SLX4IP: variants seen among roughly 807,000 people sequenced by gnomAD.
The protein encoded by SLX4IP is protein SLX4IP.
Under a neutral mutation model 32.9 loss-of-function variants are expected in SLX4IP, and 34 were observed. The ratio of observed to expected loss-of-function variants is 1.03; its 90% CI spans 0.79 to 1.38. SLX4IP has a LOEUF of 1.38. Ranked by LOEUF, SLX4IP falls within the 40% of genes most tolerant of loss-of-function variation. The pLI is 0.00. For synonymous variants in SLX4IP, 172 were observed against 171.7 expected (o/e 1.00, Z -0.01); for missense variants, 444 against 479.0 (o/e 0.93, Z 0.68).
chr20:10,455,627 T>TTTATTTA (rs1568688802), intron 1 of SLX4IP, among the ~76,000 whole-genome samples: 1 of 84,298 alleles, frequency 1.2e-5, no homozygotes, highest in African/African-American at 6.0e-5. Flanking sequence ...TTATTTATTT[T>TTTATTTA]GAGACAGAGT....
At chr20:10,492,247 A>G (rs1600926423) in intron 2 of SLX4IP, among the ~76,000 whole-genome samples, 2 of 152,116 alleles carry the variant, frequency 1.3e-5, no homozygotes, top group Non-Finnish European at 1.5e-5. Context: ...TGTGTCCTGG[A>G]GTGGGATTGC....
chr20:10,510,758 C>G (rs1034907214), intron 2 of SLX4IP, among the ~76,000 whole-genome samples: 1 of 152,050 alleles, frequency 6.6e-6, no homozygotes, highest in Non-Finnish European at 1.5e-5. Context: ...GCGCCCACCA[C>G]CATGCATGTC....
Position 10,578,551 on chromosome 20 carries a change from A to G in SLX4IP, c.238+17731A>G, listed in dbSNP as rs570048286. On this transcript the variant is annotated intron_variant, in intron 4 of 7. Transcript: ENST00000334534. ...AATGCTACTATGGGTATTCGTGTAC[A>G]AGTTTTTGAGTGGACATATGTTTTC... Among the ~76,000 whole-genome samples, 262 of 152,326 alleles carry G rather than the reference A, an allele frequency of 1.7e-3. 3 individuals are homozygous for G. Among genetic ancestry groups the G allele is most frequent in the Non-Finnish European group, 3.0e-3 (207 of 68,022 alleles).
At chr20:10,437,637 C>T (rs1434500922) in intron 1 of SLX4IP, among the ~76,000 whole-genome samples, 1 of 152,224 alleles carries the variant, frequency 6.6e-6, no homozygotes, top group Non-Finnish European at 1.5e-5. Flanking sequence ...TCCAGCCTTT[C>T]TGCTTCTCCT....
At chr20:10,447,271 C>T (rs2065209765) in intron 1 of SLX4IP, among the ~76,000 whole-genome samples, 1 of 145,638 alleles carries the variant, frequency 6.9e-6, no homozygotes, top group Admixed American at 7.0e-5. Flanking sequence ...TGTTTGTCTG[C>T]CCGTTTGCCA....
At chr20:10,490,183 G>A (rs1422923912) in intron 2 of SLX4IP, among the ~76,000 whole-genome samples, 1 of 102,160 alleles carries the variant, frequency 9.8e-6, no homozygotes, top group Non-Finnish European at 2.1e-5. Flanking sequence ...ATTTAAAGTA[G>A]TGGAAATTTC....
chr20:10,620,495 A>AATATTG (rs2067095786), intron 6 of SLX4IP, among the ~76,000 whole-genome samples: 3 of 152,176 alleles, frequency 2.0e-5, no homozygotes, highest in Non-Finnish European at 4.4e-5. Flanking sequence ...CACAAACTAC[A>AATATTG]GTTTTCAAAA....
chr20:10,449,964 C>A lies in SLX4IP; in HGVS notation c.-29-8212C>A, dbSNP rs550684857. Reference sequence around the variant, plus strand: ...TTATTGATAAAAGTAAAAAAAAAAACCCACAAAAACAAAACCTTATTGTGA... The same window carrying A: ...TTATTGATAAAAGTAAAAAAAAAAAACCACAAAAACAAAACCTTATTGTGA... On this transcript the variant is annotated intron_variant, in intron 1 of 7. Coordinates refer to ENST00000334534, the MANE Select transcript of SLX4IP (RefSeq NM_001009608.3). 1.0e-4 allele frequency among the ~76,000 whole-genome samples: 15 copies of A among 149,978 alleles called. No individual in the cohort carries two copies. In the South Asian group the frequency reaches 2.1e-3, roughly 21 times the overall value.
At chr20:10,519,243 A>G (rs2122446205) in intron 2 of SLX4IP, among the ~76,000 whole-genome samples, 1 of 152,282 alleles carries the variant, frequency 6.6e-6, no homozygotes, top group South Asian at 2.1e-4. Context: ...CCTCCATGTT[A>G]AGTATATAAT....
intron 6 of SLX4IP, chr20:10,613,739 C>G (rs2066994503): frequency 5.0e-6 from 8 of 1,613,446 alleles, no homozygotes; most frequent in Non-Finnish European, 6.8e-6. Flanking sequence ...GAATGATATT[C>G]CTTATCCTGG....
At chr20:10,474,934 G>A (rs1334451109) in intron 2 of SLX4IP, among the ~76,000 whole-genome samples, 1 of 152,220 alleles carries the variant, frequency 6.6e-6, no homozygotes, top group Non-Finnish European at 1.5e-5. Flanking sequence ...TGGGTGGTGA[G>A]AGAGTCTCAT....
At chr20:10,436,914 T>C (rs191418867) in intron 1 of SLX4IP, among the ~76,000 whole-genome samples, 1 of 152,080 alleles carries the variant, frequency 6.6e-6, no homozygotes, top group Non-Finnish European at 1.5e-5. Flanking sequence ...AATTTACCAC[T>C]GGTTTGCGTT....
rs548017151 is a variant in SLX4IP, at chr20:10,559,368, G to C, written c.118-1332G>C. ...TACAAGTGTTTTTAATAAAGGAAAA[G>C]TTTTGCTATCATTGCTCTTTAGAAC... is the stretch of plus-strand genomic sequence containing the variant. On this transcript the variant is annotated intron_variant, in intron 3 of 7. Coordinates refer to ENST00000334534, the MANE Select transcript of SLX4IP (RefSeq NM_001009608.3). Among the ~76,000 whole-genome samples the C allele has an allele frequency of 6.6e-5, 10 of 152,278 alleles. No individual in the cohort carries two copies. In the East Asian group the frequency reaches 1.3e-3, roughly 21 times the overall value.
In SLX4IP at chr20:10,613,714, C is replaced by T. The variant is rs2066994238; in HGVS notation, c.406-7600C>T. On this transcript the variant is annotated intron_variant, in intron 6 of 7. Coordinates refer to ENST00000334534, the MANE Select transcript of SLX4IP (RefSeq NM_001009608.3). ...GCGTTATAGGATGGGACCTCTCCGG[C>T]GTCAATAGCTTGCTGAATGATATTC... The T allele has an allele frequency of 1.3e-5, 21 of 1,612,722 alleles. No individual in the cohort carries two copies. The Middle Eastern group carries it at 5.0e-4, about 38-fold the overall frequency.
chr20:10,621,953 A>G (rs955924699), intron 7 of SLX4IP, among the ~76,000 whole-genome samples: 4 of 152,332 alleles, frequency 2.6e-5, no homozygotes, highest in East Asian at 3.9e-4. Flanking sequence ...TGCAGCTTCT[A>G]TCCTGCCCCT....
intron 6 of SLX4IP, among the ~76,000 whole-genome samples, chr20:10,618,039 A>G (rs2067058926): frequency 6.6e-6 from 1 of 152,190 alleles, no homozygotes; most frequent in Non-Finnish European, 1.5e-5. Context: ...CTCTCTTTGC[A>G]GTCCTTTCTA....
intron 2 of SLX4IP, among the ~76,000 whole-genome samples, chr20:10,499,747 A>AT (rs1385031062): frequency 6.6e-6 from 1 of 152,220 alleles, no homozygotes; most frequent in African/African-American, 2.4e-5. Flanking sequence ...GATAAAAGAT[A>AT]TTTTTAAAAT....
chr20:10,577,332 C>CT (rs534493623), intron 4 of SLX4IP, among the ~76,000 whole-genome samples: 134 of 152,174 alleles, frequency 8.8e-4, no homozygotes, highest in Non-Finnish European at 1.6e-3. Flanking sequence ...CTTATTCAAT[C>CT]TTTTTTTCCT....
chr20:10,578,491 AT>A (rs2066547167), intron 4 of SLX4IP, among the ~76,000 whole-genome samples: 1 of 152,248 alleles, frequency 6.6e-6, no homozygotes, highest in African/African-American at 2.4e-5. Context: ...ATTGATGGAC[AT>A]TTGGGTTGTT....
Sources: gnomAD v4.1 joint callset for allele counts (sites outside exome capture counted in the v4.1 genomes callset) on GRCh38, gnomAD v4.1.1 for gene constraint, MANE v1.5 for transcripts, NCBI Gene and HGNC (gene_info 2026-07-23, HGNC 2026-07-21) for gene names.